Variants in MBTD1 observed in about 807,000 individuals in gnomAD.
The protein encoded by MBTD1 is mbt domain containing 1.
Under a neutral mutation model 87.8 loss-of-function variants are expected in MBTD1, and 24 were observed. That is an observed-to-expected ratio of 0.27 (90% CI 0.20 to 0.38). The LOEUF is 0.38. Among genes scored for constraint, MBTD1 ranks in the 10% least tolerant of loss-of-function variants. The pLI is 1.00. For missense variants in MBTD1, 436 were observed against 760.2 expected (o/e 0.57, Z 5.02); for synonymous variants, 237 against 248.6 (o/e 0.95, Z 0.44).
At chr17:51,190,912 C>A (rs2050777147) in intron 16 of MBTD1, among the ~76,000 whole-genome samples, 1 of 151,446 alleles carries the variant, frequency 6.6e-6, no homozygotes, top group African/African-American at 2.4e-5. Context: ...AAGACTCTGT[C>A]TCTACAAAAA....
intron 2 of MBTD1, chr17:51,256,780 T>C (rs886362759): frequency 1.3e-5 from 2 of 152,218 alleles, no homozygotes; most frequent in African/African-American, 4.8e-5. Context: ...ATTTCCATCA[T>C]TGCAGAAACT....
At chr17:51,211,703 A>C (rs774895002) in intron 6 of MBTD1, among the ~76,000 whole-genome samples, 4 of 152,048 alleles carry the variant, frequency 2.6e-5, no homozygotes, top group Admixed American at 6.6e-5. Context: ...GAAGATTTTA[A>C]CTTTCGTTAA....
At chr17:51,259,626 C>T (rs2055339392) in intron 1 of MBTD1, among the ~76,000 whole-genome samples, 2 of 151,120 alleles carry the variant, frequency 1.3e-5, no homozygotes, top group Admixed American at 6.6e-5. Flanking sequence ...AGAACCCCAA[C>T]GAGTCCAAGG....
chr17:51,210,659 G>C (rs1196003222), intron 6 of MBTD1, among the ~76,000 whole-genome samples: 1 of 152,074 alleles, frequency 6.6e-6, no homozygotes, highest in Non-Finnish European at 1.5e-5. Context: ...GGGAGGCTGA[G>C]GCAGGAGAAT....
intron 2 of MBTD1, among the ~76,000 whole-genome samples, chr17:51,233,174 A>T (rs1334136190): frequency 6.6e-6 from 1 of 152,022 alleles, no homozygotes; most frequent in African/African-American, 2.4e-5. Context: ...TAAACAGACC[A>T]TAGTAAAACT....
upstream of MBTD1, chr17:51,260,888 G>A (rs1472700918): frequency 1.9e-6 from 3 of 1,599,176 alleles, no homozygotes; most frequent in East Asian, 2.3e-5. Flanking sequence ...CGTCGAGAAC[G>A]ACGAGGACGC....
chr17:51,240,718 T>C (rs1232299239), intron 2 of MBTD1, among the ~76,000 whole-genome samples: 1 of 152,184 alleles, frequency 6.6e-6, no homozygotes, highest in Non-Finnish European at 1.5e-5. Flanking sequence ...AACTATACTC[T>C]TTGGAACAAA....
At chr17:51,236,243 ATGTTTT>A (rs990377959) in intron 2 of MBTD1, among the ~76,000 whole-genome samples, 5 of 151,860 alleles carry the variant, frequency 3.3e-5, no homozygotes, top group Admixed American at 2.6e-4. Context: ...TAATGACACT[ATGTTTT>A]TGTTTTTATT....
rs575308580 is a variant in MBTD1 at position 51,229,068 on chromosome 17, G to A, written c.-48-3859C>T. ...AAATGGGCCAGGTGCAGTGTCTCACGCCTGTAATCCCAGCACTCTGGGAGG... is the reference window on the plus strand; with the variant it reads ...AAATGGGCCAGGTGCAGTGTCTCACACCTGTAATCCCAGCACTCTGGGAGG... On this transcript the variant is annotated intron_variant, in intron 2 of 16. Transcript: ENST00000586178. Among the ~76,000 whole-genome samples the A allele has an allele frequency of 8.6e-5, 13 of 152,000 alleles. No homozygotes were observed. In the East Asian group the frequency reaches 2.5e-3, roughly 29 times the overall value.
rs1263195474 is a variant in MBTD1, at chr17:51,180,689, T to C, written c.1774A>G (p.Thr592Ala). ...AGCAACTCCTCCTTCAGCTGCAGTG[T>C]TGTCACTGAATGAAAGAGAGAGAAA... ...QQYKGHKKMT[T>A]LQLKEELLDG... is the part of the protein sequence containing the mutation. Residue 592 changes from threonine to alanine, a missense_variant, in exon 17 of 17, where the codon ACA becomes GCA. Thr to Ala is a moderately conservative substitution (Grantham distance 58). This residue lies in a region of MBTD1 where 80 missense variants were observed against 182.2 expected (regional missense o/e 0.44). Transcript: ENST00000586178. The C allele has an allele frequency of 1.3e-6, 2 of 1,514,824 alleles. No homozygotes were observed. The highest frequency in any genetic ancestry group is 1.8e-6 in the Non-Finnish European group (2 of 1,113,494). The allele number at this position is 1,514,824 out of a possible 1,614,324, so 93.8% of individuals were successfully genotyped here. A position where few individuals can be genotyped will look rare whatever the true frequency, so the allele number is the denominator to read the frequency against.
At chr17:51,181,318 C>T (rs2050304269) in intron 16 of MBTD1, among the ~76,000 whole-genome samples, 1 of 152,034 alleles carries the variant, frequency 6.6e-6, no homozygotes, top group Non-Finnish European at 1.5e-5. Flanking sequence ...AGCCACCGTG[C>T]CCGGCCTCAA....
rs1251571032 is a variant in MBTD1 at position 51,177,939 on chromosome 17, G to A, written c.*2637C>T. On this transcript the variant is annotated 3_prime_UTR_variant, in exon 17 of 17. Coordinates refer to ENST00000586178, the MANE Select transcript of MBTD1 (RefSeq NM_017643.3). Reference sequence around the variant, plus strand: ...TGATGGGAGAGGGTATTCACATCACGCAAAATTAATAATAATAATAAAAAC... The same window carrying A: ...TGATGGGAGAGGGTATTCACATCACACAAAATTAATAATAATAATAAAAAC... 1.3e-5 allele frequency: 2 copies of A among 150,764 alleles called. No individual in the cohort carries two copies. Among genetic ancestry groups the A allele is most frequent in the South Asian group, 2.1e-4 (1 of 4,792 alleles). The allele number at this position is 150,764 out of a possible 1,614,324, so 9.3% of individuals were successfully genotyped here. A position where few individuals can be genotyped will look rare whatever the true frequency, so the allele number is the denominator to read the frequency against.
At chr17:51,234,156 G>A (rs1177332544) in intron 2 of MBTD1, among the ~76,000 whole-genome samples, 2 of 152,056 alleles carry the variant, frequency 1.3e-5, no homozygotes, top group South Asian at 4.2e-4. Flanking sequence ...CTGGGAGGCC[G>A]AGGTGGGTGG....
At chr17:51,259,307 C>T (rs2055300822) in intron 1 of MBTD1, 101 bp from the exon 2 acceptor site, 23 of 1,208,312 alleles carry the variant, frequency 1.9e-5, no homozygotes, top group South Asian at 4.2e-5. Flanking sequence ...AGGCTGCTTC[C>T]CAAACACCAC....
At chr17:51,187,264 C>T (rs1403033889) in intron 16 of MBTD1, among the ~76,000 whole-genome samples, 1 of 150,720 alleles carries the variant, frequency 6.6e-6, no homozygotes, top group Non-Finnish European at 1.5e-5. Context: ...CCCATCTCTA[C>T]AAAAAATAAA....
At chr17:51,240,949 G>A (rs1014835651) in intron 2 of MBTD1, among the ~76,000 whole-genome samples, 1 of 151,968 alleles carries the variant, frequency 6.6e-6, no homozygotes, top group Non-Finnish European at 1.5e-5. Flanking sequence ...CCAGAGGCAC[G>A]AGGTCCATCC....
chr17:51,256,820 C>T (rs1175978503), intron 2 of MBTD1: 3 of 152,162 alleles, frequency 2.0e-5, no homozygotes, highest in Admixed American at 2.0e-4. Flanking sequence ...ACTAGACTAA[C>T]CCTTCAACTG....
At chr17:51,231,040 C>T (rs933419628) in intron 2 of MBTD1, among the ~76,000 whole-genome samples, 6 of 152,168 alleles carry the variant, frequency 3.9e-5, no homozygotes, top group South Asian at 2.1e-4. Flanking sequence ...TGAGTTCAAG[C>T]GATTCTTCTG....
At chr17:51,202,621 A>G in intron 10 of MBTD1, 80 bp downstream of exon 10, 2 of 1,052,042 alleles carry the variant, frequency 1.9e-6, no homozygotes, top group Non-Finnish European at 2.9e-6. Flanking sequence ...CATCTATGCA[A>G]TTCTGCAGAG....
Sources: gnomAD v4.1 joint callset for allele counts (sites outside exome capture counted in the v4.1 genomes callset) on GRCh38, gnomAD v4.1.1 for gene constraint, gnomAD v4.1.1 regional missense constraint, MANE v1.5 for transcripts, NCBI Gene and HGNC (gene_info 2026-07-23, HGNC 2026-07-21) for gene names.